RPS6KA2: variants seen among roughly 807,000 people sequenced by gnomAD.
RPS6KA2 encodes ribosomal protein S6 kinase A2.
Under a neutral mutation model 91.8 loss-of-function variants are expected in RPS6KA2, and 42 were observed. The observed-to-expected ratio is 0.46, with a 90% CI of 0.36 to 0.59. The LOEUF (loss-of-function observed/expected upper bound fraction) is 0.59. Among genes scored for constraint, RPS6KA2 ranks in the 20% least tolerant of loss-of-function variants. RPS6KA2 has a pLI of 0.00. For missense variants in RPS6KA2, 798 were observed against 978.5 expected, an observed-to-expected ratio of 0.82 and a Z score of 2.46; for synonymous variants, 414 against 393.6, an observed-to-expected ratio of 1.05 and a Z score of -0.61.
At chr6:166,861,894 CCACA>C (rs1432903383) in intron 1 of RPS6KA2, among the ~76,000 whole-genome samples, 1 of 152,224 alleles carries the variant, frequency 6.6e-6, no homozygotes, top group Non-Finnish European at 1.5e-5. Context: ...TGTATTTACA[CCACA>C]CACAATGCCG....
intron 1 of RPS6KA2, among the ~76,000 whole-genome samples, chr6:166,611,763 A>G (rs1004810093): frequency 6.6e-6 from 1 of 152,220 alleles, no homozygotes; most frequent in South Asian, 2.1e-4. Context: ...TTATGGTCAC[A>G]GATGGCTGCA....
chr6:166,625,331 A>ACCCCCC (rs10583661), intron 1 of RPS6KA2, among the ~76,000 whole-genome samples: 16 of 52,598 alleles, frequency 3.0e-4, no homozygotes, highest in African/African-American at 1.2e-3. Flanking sequence ...CCACCCCCCC[A>ACCCCCC]CCCCCCCCCC....
In RPS6KA2 at chr6:166,423,852, A is replaced by G. The variant is rs111689532; in HGVS notation, c.1582-435T>C. On this transcript the variant is annotated intron_variant, in intron 16 of 20. Coordinates refer to ENST00000265678, the MANE Select transcript of RPS6KA2 (RefSeq NM_021135.6). The surrounding 1 kb of genome is among the most constrained non-coding windows in gnomAD (Gnocchi z 4.8). ...AGGTGTTGGAGCAGCACCAGTGAGC[A>G]GCACAGATCAGGCACCTGCTGTCCT... 1,652 of 155,612 alleles carry G rather than the reference A, an allele frequency of 0.011. 28 individuals are homozygous for G. The highest frequency in any genetic ancestry group is 0.036 in the African/African-American group (1,483 of 41,614). 9.6% of individuals were successfully genotyped at this position (155,612 alleles called of 1,614,324 possible). A position where few individuals can be genotyped will look rare whatever the true frequency, so the allele number is the denominator to read the frequency against.
rs186694282 is a variant in RPS6KA2, at chr6:166,469,718, C to G, written c.972+123G>C. 7.8e-6 allele frequency: 7 copies of G among 900,726 alleles called. No homozygotes were observed. The East Asian group carries it at 1.0e-4, about 13-fold the overall frequency. The allele number at this position is 900,726 out of a possible 1,614,324, so 55.8% of individuals were successfully genotyped here. On this transcript the variant is annotated intron_variant, in intron 11 of 20. Transcript: ENST00000265678. Reference sequence around the variant, plus strand: ...GGCTCCCTGCCTGCAGGTGGCTTGTCTACATTCACCTCCGACCTACTTGTG... The same window carrying G: ...GGCTCCCTGCCTGCAGGTGGCTTGTGTACATTCACCTCCGACCTACTTGTG...
chr6:166,851,816 A>G (rs1251898509), intron 2 of RPS6KA2, among the ~76,000 whole-genome samples: 1 of 152,232 alleles, frequency 6.6e-6, no homozygotes, highest in African/African-American at 2.4e-5. Context: ...CCCAGGAATG[A>G]CAAATGACAA....
At chr6:166,512,882 C>G (rs1021628085) in intron 3 of RPS6KA2, among the ~76,000 whole-genome samples, 2 of 151,948 alleles carry the variant, frequency 1.3e-5, no homozygotes, top group African/African-American at 4.8e-5. Context: ...CCCTTTTTTT[C>G]TTTTTCTTTT....
chr6:166,571,728 A>G (rs181932684), intron 1 of RPS6KA2, among the ~76,000 whole-genome samples: 145 of 152,066 alleles, frequency 9.5e-4, no homozygotes, highest in Middle Eastern at 6.8e-3. Flanking sequence ...GAATAAAAAT[A>G]TCTAACATTT....
intron 3 of RPS6KA2, among the ~76,000 whole-genome samples, chr6:166,530,990 A>G (rs1056103890): frequency 2.0e-5 from 3 of 152,220 alleles, no homozygotes; most frequent in African/African-American, 7.2e-5. Flanking sequence ...GGCAGAACAT[A>G]TGTGGGAGAA....
chr6:166,647,964 A>C (rs1787690984), intron 2 of RPS6KA2, among the ~76,000 whole-genome samples: 2 of 140,798 alleles, frequency 1.4e-5, no homozygotes, highest in Non-Finnish European at 3.1e-5. Flanking sequence ...ACATGCTTAC[A>C]TACATACACA....
At chr6:166,673,885 G>T (rs927666644) in intron 2 of RPS6KA2, among the ~76,000 whole-genome samples, 1 of 152,182 alleles carries the variant, frequency 6.6e-6, no homozygotes, top group African/African-American at 2.4e-5. Context: ...AAATAGCTTT[G>T]ATTTGTTATC....
chr6:166,679,080 T>C (rs1443235560), intron 2 of RPS6KA2, among the ~76,000 whole-genome samples: 2 of 152,178 alleles, frequency 1.3e-5, no homozygotes, highest in East Asian at 1.9e-4. Context: ...CAGAACTAAA[T>C]AGTAAGTTTG....
chr6:166,758,053 G>A lies in RPS6KA2; in HGVS notation c.123+100147C>T, dbSNP rs112730669. ...GGGCAGGCCTGAGGTCCTCCTCAAC[G>A]CACACCTGCCCCCACTTGCCCACAG... On this transcript the variant is annotated intron_variant, in intron 2 of 21. Transcript: ENST00000503859. 9.5e-3 allele frequency: 1,500 copies of A among 157,248 alleles called. 27 individuals carry two copies. Among genetic ancestry groups the A allele is most frequent in the African/African-American group, 0.035 (1,446 of 41,616 alleles). 9.7% of individuals were successfully genotyped at this position (157,248 alleles called of 1,614,324 possible). A position where few individuals can be genotyped will look rare whatever the true frequency, so the allele number is the denominator to read the frequency against.
At chr6:166,609,645 GCA>G in intron 1 of RPS6KA2, among the ~76,000 whole-genome samples, 2 of 151,764 alleles carry the variant, frequency 1.3e-5, no homozygotes, top group Middle Eastern at 6.8e-3. Context: ...GATTACAGGC[GCA>G]TGCCACCACT....
At chr6:166,644,664 G>A (rs1787553204) in intron 2 of RPS6KA2, among the ~76,000 whole-genome samples, 1 of 152,196 alleles carries the variant, frequency 6.6e-6, no homozygotes, top group Admixed American at 6.5e-5. Flanking sequence ...ACAGCCTAGG[G>A]GTTTGTGGTG....
At chr6:166,831,910 GGATA>G (rs35847211) in intron 2 of RPS6KA2, among the ~76,000 whole-genome samples, 86,186 of 150,758 alleles carry the variant, frequency 0.57, 25,505 homozygotes, top group Middle Eastern at 0.72. Context: ...GATGATGGAT[GGATA>G]GATAGACAGA....
intron 1 of RPS6KA2, among the ~76,000 whole-genome samples, chr6:166,590,538 C>G (rs1327776326): frequency 1.3e-5 from 2 of 152,144 alleles, no homozygotes; most frequent in African/African-American, 4.8e-5. Context: ...AATTGAAATC[C>G]TCATTGAGGA....
chr6:166,741,476 G>A (rs944197574), intron 2 of RPS6KA2, among the ~76,000 whole-genome samples: 80 of 152,138 alleles, frequency 5.3e-4, no homozygotes, highest in African/African-American at 1.8e-3. Context: ...CTGCCACATC[G>A]AAAAACGGAA....
intron 10 of RPS6KA2, among the ~76,000 whole-genome samples, chr6:166,488,186 T>C (rs1272155802): frequency 6.6e-6 from 1 of 152,068 alleles, no homozygotes; most frequent in African/African-American, 2.4e-5. Flanking sequence ...AACACCCTGC[T>C]CTAGTTGCTG....
rs10946164 is a variant in RPS6KA2 at position 166,418,206 on chromosome 6, C to T, written c.1938+19G>A. 0.41 allele frequency: 607,451 copies of T among 1,494,118 alleles called. 130,826 individuals carry two copies. Among genetic ancestry groups the T allele is most frequent in the Non-Finnish European group, 0.45 (481,069 of 1,078,262 alleles). The allele number at this position is 1,494,118 out of a possible 1,614,324, so 92.6% of individuals were successfully genotyped here. On this transcript the variant is annotated intron_variant, in intron 19 of 20. Coordinates refer to ENST00000265678, the MANE Select transcript of RPS6KA2 (RefSeq NM_021135.6). This position sits in a 1 kb window ranked among gnomAD's most constrained non-coding sequence, Gnocchi z 4.9. ...TCAGAATCTGAATATTTAAAAGCAA[C>T]GCTGGGACATGTACTCACTTTAGCT...
Sources: allele counts gnomAD v4.1 joint callset (sites outside exome capture counted in the v4.1 genomes callset), GRCh38; gene constraint gnomAD v4.1.1; non-coding constraint Gnocchi (gnomAD v3.1); transcripts MANE v1.5; gene names NCBI Gene and HGNC (gene_info 2026-07-23, HGNC 2026-07-21).